Variants in GART observed in about 807,000 individuals in gnomAD.
GART encodes the protein trifunctional purine biosynthetic protein adenosine-3.
A neutral mutation model predicts 107.2 loss-of-function variants in GART; 43 were observed. The observed-to-expected ratio is 0.40, with a 90% CI of 0.31 to 0.52. GART has a LOEUF of 0.52. Among genes scored for constraint, GART ranks in the 20% least tolerant of loss-of-function variants. GART has a pLI of 0.52. For missense variants in GART, 1,107 were observed against 1,206.5 expected, an observed-to-expected ratio of 0.92 and a Z score of 1.22; for synonymous variants, 434 against 427.0, an observed-to-expected ratio of 1.02 and a Z score of -0.20.
At chr21:33,510,224 C>T (rs2145683365) in intron 17 of GART, 3 of 238,522 alleles carry the variant, frequency 1.3e-5, no homozygotes, top group Non-Finnish European at 1.6e-5. Context: ...ATCTTCCTAG[C>T]GAGACCACCC....
At chr21:33,534,794 C>T in intron 3 of GART, 41 bp from the exon 4 acceptor site, 1 of 1,502,262 alleles carries the variant, frequency 6.7e-7, no homozygotes, top group South Asian at 1.4e-5. Context: ...CCAAGGTCTC[C>T]CCAGGGGCTT....
intron 14 of GART, chr21:33,519,033 G>GT (rs1172854657): frequency 7.8e-6 from 2 of 257,976 alleles, no homozygotes; most frequent in East Asian, 2.1e-4. Context: ...GAGAACTGAA[G>GT]TTTTTATCAT....
intron 11 of GART, chr21:33,523,963 G>A (rs1321751352): frequency 1.3e-5 from 10 of 774,184 alleles, no homozygotes; most frequent in Non-Finnish European, 1.3e-5. Flanking sequence ...GCAAAATTCT[G>A]TCTCAAAAAA....
chr21:33,508,967 A>T (rs1424245112), intron 18 of GART, among the ~76,000 whole-genome samples: 2 of 152,128 alleles, frequency 1.3e-5, no homozygotes, highest in South Asian at 2.1e-4. Flanking sequence ...ATGTGGTTTT[A>T]TTCTTTTTTA....
chr21:33,512,073 C>G (rs1293099288), intron 16 of GART, among the ~76,000 whole-genome samples: 1 of 151,790 alleles, frequency 6.6e-6, no homozygotes, highest in Non-Finnish European at 1.5e-5. Context: ...ATCACGAGGT[C>G]AGGAGATCGA....
intron 17 of GART, 127 bp downstream of exon 17, chr21:33,511,124 TG>T (rs1446220383): frequency 2.2e-6 from 2 of 892,990 alleles, no homozygotes; most frequent in Non-Finnish European, 3.7e-6. Context: ...GTTACATCTG[TG>T]TAAAGATAGT....
rs1420084328 is a variant in GART, at chr21:33,511,292, T to C, written c.2274A>G (p.Glu758=). The change falls in exon 17 of 22, where the codon GAA becomes GAG. Residue 758 remains glutamate, a synonymous_variant. Transcript: ENST00000381815. ...QILRDIQQHK[E]EAWVIGSVVA... ...CCACACTGCCAATCACCCAGGCTTC[T>C]TCCTTGTGCTGCTGGATATCCCTCA... 3.1e-6 allele frequency: 5 copies of C among 1,614,180 alleles called. No homozygotes were observed. In the South Asian group the frequency reaches 5.5e-5, roughly 18 times the overall value.
chr21:33,510,620 A>ACGCC (rs2084768893), intron 17 of GART, among the ~76,000 whole-genome samples: 1 of 152,104 alleles, frequency 6.6e-6, no homozygotes. Context: ...GTGAGCCACC[A>ACGCC]CGCCCGGCTG....
chr21:33,530,029 T>C (rs1225584027), intron 7 of GART, among the ~76,000 whole-genome samples: 1 of 151,844 alleles, frequency 6.6e-6, no homozygotes, highest in African/African-American at 2.4e-5. Flanking sequence ...CCATCTCTAC[T>C]AAAAATACAA....
intron 16 of GART, among the ~76,000 whole-genome samples, chr21:33,515,970 G>A (rs2084869933): frequency 2.0e-5 from 3 of 151,976 alleles, no homozygotes; most frequent in Admixed American, 2.0e-4. Context: ...CCTTGGGGCC[G>A]GGCGCGGTGG....
upstream of GART, chr21:33,542,795 A>T (rs773630421): frequency 4.3e-6 from 2 of 467,340 alleles, no homozygotes; most frequent in Admixed American, 3.5e-5. Context: ...ACTTATGCGG[A>T]CACGGTCGCC....
chr21:33,519,467 T>C (rs1007297367), intron 14 of GART, among the ~76,000 whole-genome samples: 1 of 150,062 alleles, frequency 6.7e-6, no homozygotes, highest in Non-Finnish European at 1.5e-5. Context: ...GGCAGGAGAA[T>C]GGTGTGAACC....
intron 1 of GART, among the ~76,000 whole-genome samples, chr21:33,539,711 G>A (rs2085374896): frequency 6.6e-6 from 1 of 151,776 alleles, no homozygotes; most frequent in Non-Finnish European, 1.5e-5. Flanking sequence ...AAGAAATCCA[G>A]ATTTGTAAAT....
At chr21:33,531,624 T>A (rs1601219768) in intron 5 of GART, 67 bp from the exon 6 acceptor site, 1 of 1,425,322 alleles carries the variant, frequency 7.0e-7, no homozygotes, top group East Asian at 2.3e-5. Context: ...TGATACTTAG[T>A]TGACTTTTAG....
intron 6 of GART, 182 bp downstream of exon 6, chr21:33,531,307 A>T: frequency 4.8e-6 from 3 of 625,756 alleles, no homozygotes; most frequent in Admixed American, 2.7e-5. Context: ...GGGATGACTA[A>T]CAGAGGATCG....
rs181079710 is a variant in GART at position 33,505,926 on chromosome 21, C to T, written c.2583+48G>A. ...ACCAGGGTCCTGTGAGGGCAGATTACGAGCTTAAATATGGCCCACAGCAAA... is the reference window on the plus strand; with the variant it reads ...ACCAGGGTCCTGTGAGGGCAGATTATGAGCTTAAATATGGCCCACAGCAAA... On this transcript the variant is annotated intron_variant, in intron 19 of 21. Transcript: ENST00000381815. 16 of 1,606,284 alleles carry T rather than the reference C, an allele frequency of 1.0e-5. No homozygotes were observed. In the African/African-American group the frequency reaches 1.1e-4, roughly 11 times the overall value.
chr21:33,530,896 A>G lies in GART; in HGVS notation c.598-12T>C, dbSNP rs756451882. The G allele has an allele frequency of 2.0e-6, 3 of 1,515,774 alleles. No homozygotes were observed. In the African/African-American group the frequency reaches 4.4e-5, roughly 22 times the overall value. The allele number at this position is 1,515,774 out of a possible 1,614,324, so 93.9% of individuals were successfully genotyped here. On this transcript the variant is annotated splice_polypyrimidine_tract_variant and intron_variant, in intron 6 of 21. Transcript: ENST00000381815. Reference sequence around the variant, plus strand: ...GTGAAACACAGACACTATAAAGAAAACAAAATAGTCCATTTATGTTAACTG... The same window carrying G: ...GTGAAACACAGACACTATAAAGAAAGCAAAATAGTCCATTTATGTTAACTG...
intron 1 of GART, among the ~76,000 whole-genome samples, chr21:33,540,080 A>C (rs185350281): frequency 6.6e-6 from 1 of 152,344 alleles, no homozygotes; most frequent in East Asian, 1.9e-4. Flanking sequence ...ATATACTGAA[A>C]ACTGGGGTAA....
At chr21:33,527,677 A>AG (rs1393631029) in intron 10 of GART, among the ~76,000 whole-genome samples, 1 of 152,078 alleles carries the variant, frequency 6.6e-6, no homozygotes, top group Non-Finnish European at 1.5e-5. Flanking sequence ...AAAGAGAGAG[A>AG]GAAAAAAAAG....
Sources: allele counts gnomAD v4.1 joint callset (sites outside exome capture counted in the v4.1 genomes callset), GRCh38; gene constraint gnomAD v4.1.1; transcripts MANE v1.5; gene names NCBI Gene and HGNC (gene_info 2026-07-23, HGNC 2026-07-21).